Variants in ARIH2 observed in about 807,000 individuals in gnomAD.
ARIH2 encodes ariadne RBR E3 ubiquitin protein ligase 2, also known as E3 ubiquitin-protein ligase ARIH2.
ARIH2 carries 12 observed loss-of-function variants against 79.8 expected under a neutral mutation model. That is an observed-to-expected ratio of 0.15 (90% CI 0.10 to 0.24). The LOEUF is 0.24. Among genes scored for constraint, ARIH2 ranks in the 10% least tolerant of loss-of-function variants. The probability of loss-of-function intolerance (pLI) is 1.00; values close to 1 mark genes in which losing one functional copy is unlikely to be tolerated. For synonymous variants in ARIH2, 224 were observed against 213.9 expected (o/e 1.05, Z -0.41); for missense variants, 301 against 618.3 (o/e 0.49, Z 5.44).
At chr3:48,935,759 G>A (rs115860878) in intron 3 of ARIH2, among the ~76,000 whole-genome samples, 5 of 152,256 alleles carry the variant, frequency 3.3e-5, no homozygotes, top group African/African-American at 9.6e-5. Context: ...TGGTAGAAGC[G>A]GGGCAAAAGT....
At chr3:48,935,055 T>A in intron 3 of ARIH2, 1 of 635,242 alleles carries the variant, frequency 1.6e-6, no homozygotes, top group Non-Finnish European at 2.0e-6. Flanking sequence ...ATAATATCAT[T>A]CATGTTTTCA....
rs2089350634 is a variant in ARIH2, at chr3:48,947,479, A to AT, written c.256-14131dup. Among the ~76,000 whole-genome samples, 4 of 151,728 alleles carry AT rather than the reference A, an allele frequency of 2.6e-5. No individual in the cohort carries two copies. The South Asian group carries it at 8.3e-4, about 31-fold the overall frequency. On this transcript the variant is annotated intron_variant, in intron 3 of 15. Transcript: ENST00000356401. The stretch of plus-strand genomic sequence containing the variant: ...AAAAGGAAAAAAAAAGCCAGAGAAT[A>AT]TTGTAAAGTTATCAGCATTATAGGC...
intron 8 of ARIH2, among the ~76,000 whole-genome samples, chr3:48,972,429 G>A (rs1417712191): frequency 1.2e-5 from 1 of 80,004 alleles, no homozygotes; most frequent in African/African-American, 4.1e-5. Flanking sequence ...GATCACCTAA[G>A]GTCAGGAGTT....
intron 1 of ARIH2, 149 bp downstream of exon 1, chr3:48,919,147 C>T: frequency 7.7e-7 from 1 of 1,303,854 alleles, no homozygotes; most frequent in African/African-American, 1.5e-5. Flanking sequence ...GTTGTCCGAG[C>T]ATTACCCGCC....
chr3:48,976,896 T>A (rs1426673422), intron 11 of ARIH2, among the ~76,000 whole-genome samples: 2 of 150,356 alleles, frequency 1.3e-5, no homozygotes, highest in Non-Finnish European at 3.0e-5. Context: ...AGAGCGAGAC[T>A]CTGTCTCAAA....
intron 3 of ARIH2, among the ~76,000 whole-genome samples, chr3:48,933,399 A>G (rs975585419): frequency 1.3e-5 from 2 of 151,398 alleles, no homozygotes; most frequent in African/African-American, 4.9e-5. Flanking sequence ...CAGAGTTCAG[A>G]CAATCCACCC....
chr3:48,942,848 T>C (rs767971469), intron 3 of ARIH2, among the ~76,000 whole-genome samples: 1 of 151,514 alleles, frequency 6.6e-6, no homozygotes, highest in Non-Finnish European at 1.5e-5. Context: ...ATGAGGTTTC[T>C]CCATGTTGGT....
chr3:48,955,474 C>T (rs1037285262), intron 3 of ARIH2, among the ~76,000 whole-genome samples: 2 of 152,096 alleles, frequency 1.3e-5, no homozygotes, highest in African/African-American at 4.8e-5. Flanking sequence ...TTCATTACAA[C>T]AGCCCAGCAA....
intron 3 of ARIH2, among the ~76,000 whole-genome samples, chr3:48,938,708 A>G (rs1030314477): frequency 2.6e-5 from 4 of 152,122 alleles, no homozygotes; most frequent in Non-Finnish European, 5.9e-5. Context: ...TTGTAAACTA[A>G]TAGTAACAAA....
chr3:48,940,514 T>C (rs549043002), intron 3 of ARIH2, among the ~76,000 whole-genome samples: 1 of 151,634 alleles, frequency 6.6e-6, no homozygotes, highest in South Asian at 2.1e-4. Flanking sequence ...TCAGGGACCC[T>C]AAATGGAGGG....
chr3:48,934,610 C>T (rs1228704810), intron 3 of ARIH2: 1 of 985,276 alleles, frequency 1.0e-6, no homozygotes, highest in African/African-American at 1.7e-5. Context: ...TTTCAAATAG[C>T]TGGCCGTTAA....
intron 11 of ARIH2, among the ~76,000 whole-genome samples, chr3:48,979,163 A>AT (rs2107683794): frequency 6.6e-6 from 1 of 152,292 alleles, no homozygotes; most frequent in Admixed American, 6.5e-5. Context: ...CCTCCTTCTT[A>AT]TAGTGGCATT....
chr3:48,944,257 A>G (rs1174428146), intron 3 of ARIH2, among the ~76,000 whole-genome samples: 4 of 151,922 alleles, frequency 2.6e-5, no homozygotes, highest in East Asian at 1.9e-4. Flanking sequence ...TATACTCTTC[A>G]CTTTGGTAGA....
At chr3:48,952,650 C>G (rs149453907) in intron 3 of ARIH2, among the ~76,000 whole-genome samples, 1 of 151,948 alleles carries the variant, frequency 6.6e-6, no homozygotes, top group African/African-American at 2.4e-5. Flanking sequence ...AAGAGTGAGA[C>G]GTGGAGGAAA....
chr3:48,965,717 T>C (rs956964334), intron 5 of ARIH2, among the ~76,000 whole-genome samples: 3 of 152,130 alleles, frequency 2.0e-5, no homozygotes, highest in East Asian at 1.9e-4. Context: ...TCCCAGCACT[T>C]TGGGGGGCCG....
At chr3:48,969,892 G>GTTTT (rs1316536295) in intron 7 of ARIH2, among the ~76,000 whole-genome samples, 1 of 137,364 alleles carries the variant, frequency 7.3e-6, no homozygotes, top group African/African-American at 2.7e-5. Flanking sequence ...TCAGATATAT[G>GTTTT]TTTTTTTTTT....
At chr3:48,971,690 G>A (rs1402198933) in intron 8 of ARIH2, among the ~76,000 whole-genome samples, 1 of 152,320 alleles carries the variant, frequency 6.6e-6, no homozygotes, top group South Asian at 2.1e-4. Context: ...AAAATGTGAT[G>A]TGTGTGTGTA....
chr3:48,950,907 C>T (rs1329812080), intron 3 of ARIH2, among the ~76,000 whole-genome samples: 4 of 150,004 alleles, frequency 2.7e-5, no homozygotes, highest in African/African-American at 9.8e-5. Flanking sequence ...TGAATTCTAA[C>T]ATTTGGTTTT....
chr3:48,966,919 G>A (rs1471111330), intron 5 of ARIH2, among the ~76,000 whole-genome samples: 1 of 152,172 alleles, frequency 6.6e-6, no homozygotes, highest in Non-Finnish European at 1.5e-5. Context: ...TGCAAGCCCA[G>A]CCCAGCTGCC....
Sources: gnomAD v4.1 joint callset for allele counts (sites outside exome capture counted in the v4.1 genomes callset) on GRCh38, gnomAD v4.1.1 for gene constraint, MANE v1.5 for transcripts, NCBI Gene and HGNC (gene_info 2026-07-23, HGNC 2026-07-21) for gene names.